Variants in ZXDC observed in about 807,000 individuals in gnomAD.
ZXDC encodes the protein ZXD family zinc finger C.
A neutral mutation model predicts 63.6 loss-of-function variants in ZXDC; 58 were observed. The ratio of observed to expected loss-of-function variants is 0.91; its 90% CI spans 0.74 to 1.13. The LOEUF (loss-of-function observed/expected upper bound fraction) is 1.13, where lower values mean the gene tolerates loss of function less well. Among genes scored for constraint, ZXDC ranks in the 50% most tolerant of loss-of-function variants. The pLI is 0.00. For missense variants in ZXDC, 1,133 were observed against 1,148.9 expected, an observed-to-expected ratio of 0.99 and a Z score of 0.20; for synonymous variants, 561 against 496.1, an observed-to-expected ratio of 1.13 and a Z score of -1.74.
chr3:126,461,067 C>T, intron 6 of ZXDC: 1 of 985,452 alleles, frequency 1.0e-6, no homozygotes, highest in Non-Finnish European at 1.2e-6. Flanking sequence ...AGAACTAAGG[C>T]TCATAAACCC....
rs1255921058 is a variant in ZXDC, at chr3:126,475,868, T to C, written c.-3A>G. 8 of 1,074,736 alleles carry C rather than the reference T, an allele frequency of 7.4e-6. No homozygotes were observed. The African/African-American group carries it at 8.5e-5, about 11-fold the overall frequency. 66.6% of individuals were successfully genotyped at this position (1,074,736 alleles called of 1,614,324 possible). A position where few individuals can be genotyped will look rare whatever the true frequency, so the allele number is the denominator to read the frequency against. ...GGGAGCAGCGCCGGGAGGTCCATCT[T>C]GGTCCCAGCGACGGCGTCGGAGCAG... On this transcript the variant is annotated 5_prime_UTR_variant, in exon 1 of 10. Transcript: ENST00000389709.
chr3:126,461,662 G>C lies in ZXDC; in HGVS notation c.2000C>G (p.Ser667Cys). 1.2e-6 allele frequency: 2 copies of C among 1,613,880 alleles called. No homozygotes were observed. Among genetic ancestry groups the C allele is most frequent in the Non-Finnish European group, 1.7e-6 (2 of 1,180,004 alleles). The change falls in exon 6 of 10, where the codon TCT becomes TGT. Residue 667 changes from serine (S) to cysteine (C), a missense_variant. By Grantham distance (112) the Ser-to-Cys change is moderately radical. Transcript: ENST00000389709. The part of the protein sequence containing the change: ...APIKVEPDSP[S>C]RPGAVGQQEG... The stretch of plus-strand genomic sequence containing the variant: ...CTGCTGCCCAACTGCTCCTGGGCGA[G>C]AAGGCGAGTCCGGCTCCACCTTGAT...
intron 7 of ZXDC, among the ~76,000 whole-genome samples, chr3:126,448,405 G>T (rs1346678948): frequency 2.0e-5 from 3 of 152,180 alleles, no homozygotes; most frequent in African/African-American, 7.2e-5. Flanking sequence ...ACCCACAATA[G>T]ATGAGCAACA....
chr3:126,462,298 C>T, intron 5 of ZXDC, 78 bp from the exon 6 acceptor site: 1 of 1,496,526 alleles, frequency 6.7e-7, no homozygotes, highest in South Asian at 1.4e-5. Flanking sequence ...CATGATGTTA[C>T]CGAGTGATGC....
At chr3:126,453,959 C>A (rs1441472458) in intron 7 of ZXDC, 1 of 977,214 alleles carries the variant, frequency 1.0e-6, no homozygotes, top group Non-Finnish European at 1.2e-6. Context: ...AAACATAGTA[C>A]TGCCTATACA....
intron 7 of ZXDC, 102 bp downstream of exon 7, chr3:126,459,551 A>G (rs1050342435): frequency 1.3e-6 from 2 of 1,567,966 alleles, no homozygotes; most frequent in Non-Finnish European, 1.7e-6. Flanking sequence ...CAGAAAAGTA[A>G]AACCAAGAGC....
At position 126,451,534 on chromosome 3, in the gene ZXDC, A is replaced by G. The variant is rs559778542; in HGVS notation, c.2212+8119T>C. The G allele has an allele frequency of 7.3e-5, 72 of 985,416 alleles. 1 individual carries two copies. In the South Asian group the frequency reaches 2.9e-3, roughly 40 times the overall value. The allele number at this position is 985,416 out of a possible 1,614,324, so 61.0% of individuals were successfully genotyped here. A position where few individuals can be genotyped will look rare whatever the true frequency, so the allele number is the denominator to read the frequency against. The stretch of plus-strand genomic sequence containing the variant: ...TGAACACATTACCAAATGACCCTCC[A>G]AAAACATCACAGAGTGTCCCCAGTG... On this transcript the variant is annotated intron_variant, in intron 7 of 9. Transcript: ENST00000389709.
At chr3:126,452,683 AGT>A in intron 7 of ZXDC, 1 of 541,204 alleles carries the variant, frequency 1.8e-6, no homozygotes, top group Non-Finnish European at 2.4e-6. Flanking sequence ...CCAGATCCTA[AGT>A]GTGTTTTATT....
Position 126,475,292 on chromosome 3 carries a change from G to A in ZXDC, c.574C>T (p.Leu192Phe). ...CCGTGCGTGAGCAGGTGCACCTTGA[G>A]CTGGTGCTTCTTGGCGAAGGCCAGC... ...CALAFAKKHQ[L>F]KVHLLTHGGG... The change falls in exon 1 of 10, where the codon CTC becomes TTC. Residue 192 changes from leucine to phenylalanine, a missense_variant. By Grantham distance (22) the Leu-to-Phe change is conservative. Coordinates refer to ENST00000389709, the MANE Select transcript of ZXDC (RefSeq NM_025112.5). The A allele has an allele frequency of 1.3e-6, 2 of 1,550,446 alleles. No homozygotes were observed. The highest frequency in any genetic ancestry group is 1.2e-5 in the South Asian group (1 of 84,138).
At chr3:126,459,368 C>T in intron 7 of ZXDC, 2 of 985,436 alleles carry the variant, frequency 2.0e-6, no homozygotes, top group Middle Eastern at 5.2e-4. Flanking sequence ...GCCTGCTTTG[C>T]TTATTTACCT....
At chr3:126,440,616 T>C in intron 8 of ZXDC, 1 of 986,462 alleles carries the variant, frequency 1.0e-6, no homozygotes, top group South Asian at 4.7e-5. Context: ...CAGTGTTTCC[T>C]TGGATGGTCC....
chr3:126,459,662 TC>T lies in ZXDC; in HGVS notation c.2202del (p.Ser735AlafsTer13). ...GCACACACGGCCTCACCTGCATTGC[TC>T]CCCGCTCCTCTCTGCTTTTTTTCCT... ...LAKEKKQRGAGSNAGASQSTQ... is the reference protein window; with the variant it reads ...LAKEKKQRGAXSNAGASQSTQ... On this transcript the variant is annotated frameshift_variant, in exon 7 of 10. Transcript: ENST00000389709. LOFTEE classifies it high-confidence loss of function. 1 of 1,614,178 alleles carries T rather than the reference TC, an allele frequency of 6.2e-7. No individual in the cohort carries two copies. Among genetic ancestry groups the T allele is most frequent in the Non-Finnish European group, 8.5e-7 (1 of 1,180,038 alleles).
intron 4 of ZXDC, among the ~76,000 whole-genome samples, chr3:126,466,901 G>A (rs1485619962): frequency 1.3e-5 from 2 of 152,078 alleles, no homozygotes; most frequent in African/African-American, 4.8e-5. Flanking sequence ...GGCATCAGAG[G>A]AAAAACAAGA....
chr3:126,472,116 C>G, intron 2 of ZXDC, 37 bp downstream of exon 2: 1 of 1,608,746 alleles, frequency 6.2e-7, no homozygotes, highest in South Asian at 1.1e-5. Flanking sequence ...GAAGACAAAT[C>G]TTGGGTCCAA....
chr3:126,455,872 C>T (rs895338732), intron 7 of ZXDC, among the ~76,000 whole-genome samples: 8 of 151,932 alleles, frequency 5.3e-5, no homozygotes, highest in South Asian at 2.1e-4. Flanking sequence ...GGCACGGCAG[C>T]GCCTGTAGTC....
At chr3:126,471,892 G>T in intron 3 of ZXDC, 81 bp downstream of exon 3, 2 of 1,196,966 alleles carry the variant, frequency 1.7e-6, no homozygotes, top group Non-Finnish European at 2.3e-6. Context: ...AATGTCTACA[G>T]ATATTTCATT....
intron 4 of ZXDC, among the ~76,000 whole-genome samples, chr3:126,467,393 G>A (rs991743971): frequency 6.6e-6 from 1 of 152,170 alleles, no homozygotes; most frequent in Non-Finnish European, 1.5e-5. Flanking sequence ...CAGGGGTGCT[G>A]AGGGCCCAAT....
chr3:126,449,834 C>A (rs116454498), intron 7 of ZXDC, among the ~76,000 whole-genome samples: 2 of 152,158 alleles, frequency 1.3e-5, no homozygotes, highest in African/African-American at 4.8e-5. Context: ...GAAAGGGAGC[C>A]GGGGCTGTGT....
chr3:126,465,479 G>A (rs1461177055), intron 5 of ZXDC, among the ~76,000 whole-genome samples: 1 of 152,190 alleles, frequency 6.6e-6, no homozygotes, highest in Non-Finnish European at 1.5e-5. Context: ...GTCCACTCCT[G>A]AAACACAACT....
Sources: allele counts gnomAD v4.1 joint callset (sites outside exome capture counted in the v4.1 genomes callset), GRCh38; gene constraint gnomAD v4.1.1; transcripts MANE v1.5; gene names NCBI Gene and HGNC (gene_info 2026-07-23, HGNC 2026-07-21).